The following PLPPR5 variants were observed in gnomAD, a reference collection of about 807,000 sequenced individuals.
PLPPR5 encodes the protein phospholipid phosphatase-related protein type 5.
In PLPPR5, 16 loss-of-function variants were observed where a neutral mutation model predicts 33.9. The ratio of observed to expected loss-of-function variants is 0.47; its 90% CI spans 0.32 to 0.72. The LOEUF is 0.72. PLPPR5 is among the 30% of genes least tolerant of loss of function. The probability of loss-of-function intolerance (pLI) is 0.03; values close to 1 mark genes in which losing one functional copy is unlikely to be tolerated. For synonymous variants in PLPPR5, 163 were observed against 150.3 expected (o/e 1.08, Z -0.62); for missense variants, 301 against 406.7 (o/e 0.74, Z 2.23).
chr1:98,920,987 T>C (rs1649532966), intron 4 of PLPPR5, among the ~76,000 whole-genome samples: 1 of 152,176 alleles, frequency 6.6e-6, no homozygotes, highest in Non-Finnish European at 1.5e-5. Flanking sequence ...TAAAATGTTA[T>C]ACACTCACAA....
At chr1:98,956,768 A>G in intron 1 of PLPPR5, 27 bp from the exon 2 acceptor site, 1 of 1,505,762 alleles carries the variant, frequency 6.6e-7, no homozygotes, top group South Asian at 1.3e-5. Context: ...AGATTAAGGA[A>G]TATTAGAATT....
chr1:98,908,587 T>A (rs555161247), intron 5 of PLPPR5, among the ~76,000 whole-genome samples: 29 of 152,248 alleles, frequency 1.9e-4, no homozygotes, highest in South Asian at 6.2e-4. Context: ...AGCATGAATT[T>A]GAGAGAAAGG....
intron 1 of PLPPR5, 73 bp downstream of exon 1, chr1:99,004,362 G>C: frequency 7.6e-7 from 1 of 1,320,178 alleles, no homozygotes; most frequent in Non-Finnish European, 1.0e-6. Context: ...CCAACCCTTA[G>C]AGGGGCCTCA....
rs760649742 is a variant in PLPPR5, at chr1:99,004,463, G to A, written c.209C>T (p.Ser70Leu). The A allele has an allele frequency of 1.8e-5, 29 of 1,610,878 alleles. No homozygotes were observed. The highest frequency in any genetic ancestry group is 2.5e-5 in the Non-Finnish European group (29 of 1,178,848). ...GAGCACGGGGACCCCGGCGGCCAGCGAGTAGAGGAGCACGGGGGGCACGGC... is the reference window on the plus strand; with the variant it reads ...GAGCACGGGGACCCCGGCGGCCAGCAAGTAGAGGAGCACGGGGGGCACGGC... ...SSAVPPVLLY[S>L]LAAGVPVLVI... The change falls in exon 1 of 6, where the codon TCG (serine) becomes TTG (leucine). Residue 70 changes from serine (S) to leucine (L), a missense_variant. By Grantham distance (145) the Ser-to-Leu change is moderately radical. Transcript: ENST00000263177.
intron 5 of PLPPR5, among the ~76,000 whole-genome samples, chr1:98,913,390 C>T (rs1280398397): frequency 1.3e-5 from 2 of 152,172 alleles, no homozygotes; most frequent in African/African-American, 4.8e-5. Context: ...GCAATGCACA[C>T]CATCAATCCC....
At chr1:98,978,495 A>C (rs990889339) in intron 1 of PLPPR5, among the ~76,000 whole-genome samples, 1 of 152,062 alleles carries the variant, frequency 6.6e-6, no homozygotes, top group Non-Finnish European at 1.5e-5. Flanking sequence ...CAGACTAAGT[A>C]GAAGAAACAT....
chr1:98,984,310 T>C (rs763246028), intron 1 of PLPPR5, among the ~76,000 whole-genome samples: 16 of 152,076 alleles, frequency 1.1e-4, no homozygotes, highest in Non-Finnish European at 2.1e-4. Flanking sequence ...CTTATATTTG[T>C]TCTAAGGGAA....
intron 3 of PLPPR5, among the ~76,000 whole-genome samples, chr1:98,952,275 A>G (rs995670736): frequency 6.6e-6 from 1 of 151,992 alleles, no homozygotes; most frequent in Non-Finnish European, 1.5e-5. Flanking sequence ...AAAAAAAAAA[A>G]AAAAAAAAAA....
chr1:98,972,977 C>T (rs1006741601), intron 1 of PLPPR5, among the ~76,000 whole-genome samples: 7 of 152,154 alleles, frequency 4.6e-5, no homozygotes, highest in African/African-American at 1.7e-4. Context: ...AAAGGGCAAT[C>T]GTTGTGCAAT....
chr1:98,948,896 T>A (rs309075), intron 3 of PLPPR5, among the ~76,000 whole-genome samples: 84,147 of 151,956 alleles, frequency 0.55, 24,035 homozygotes, highest in East Asian at 0.72. Context: ...TGGTTTATAA[T>A]GCAGCAACAC....
chr1:98,993,615 A>T (rs577561168), intron 1 of PLPPR5, among the ~76,000 whole-genome samples: 1 of 152,154 alleles, frequency 6.6e-6, no homozygotes, highest in East Asian at 1.9e-4. Flanking sequence ...TTAATTGGAA[A>T]TTTTAGGGGT....
At chr1:98,977,981 T>C (rs1651920286) in intron 1 of PLPPR5, among the ~76,000 whole-genome samples, 1 of 151,996 alleles carries the variant, frequency 6.6e-6, no homozygotes, top group Admixed American at 6.6e-5. Flanking sequence ...AAACTACCTC[T>C]GGTGGTATAG....
At chr1:99,003,093 A>ATG (rs1557700152) in intron 1 of PLPPR5, among the ~76,000 whole-genome samples, 3 of 134,760 alleles carry the variant, frequency 2.2e-5, no homozygotes, top group Admixed American at 7.4e-5. Context: ...ATATATATAT[A>ATG]TATGTAAAAC....
chr1:98,935,664 A>T (rs889328224), intron 3 of PLPPR5, among the ~76,000 whole-genome samples: 1 of 152,186 alleles, frequency 6.6e-6, no homozygotes, highest in African/African-American at 2.4e-5. Flanking sequence ...AAAAGCAAGG[A>T]ATATGAGAAC....
chr1:98,895,007 T>G (rs1223926134), intron 5 of PLPPR5, among the ~76,000 whole-genome samples: 2 of 151,928 alleles, frequency 1.3e-5, no homozygotes, highest in Non-Finnish European at 2.9e-5. Context: ...GGGAAAAGGG[T>G]GCTAATACAA....
intron 1 of PLPPR5, among the ~76,000 whole-genome samples, chr1:98,982,209 T>C (rs1652083894): frequency 6.6e-6 from 1 of 152,060 alleles, no homozygotes; most frequent in Admixed American, 6.6e-5. Context: ...AATTTTATCA[T>C]ATATACACGT....
intron 1 of PLPPR5, among the ~76,000 whole-genome samples, chr1:98,960,602 A>G (rs1651209694): frequency 6.6e-6 from 1 of 152,220 alleles, no homozygotes; most frequent in South Asian, 2.1e-4. Context: ...AGTGCTAGAC[A>G]CTAATGTTTG....
intron 1 of PLPPR5, among the ~76,000 whole-genome samples, chr1:98,974,666 G>A (rs973376382): frequency 6.6e-6 from 1 of 151,970 alleles, no homozygotes; most frequent in Non-Finnish European, 1.5e-5. Flanking sequence ...ACTGAGGCAG[G>A]AGAAAGTTAT....
At chr1:98,924,044 T>C (rs562008655) in intron 3 of PLPPR5, among the ~76,000 whole-genome samples, 5 of 152,362 alleles carry the variant, frequency 3.3e-5, no homozygotes, top group Non-Finnish European at 7.3e-5. Flanking sequence ...TTACATCTGT[T>C]AACACTCAAG....
Sources: allele counts gnomAD v4.1 joint callset (sites outside exome capture counted in the v4.1 genomes callset), GRCh38; gene constraint gnomAD v4.1.1; transcripts MANE v1.5; gene names NCBI Gene and HGNC (gene_info 2026-07-23, HGNC 2026-07-21).